CADM2: variants seen among roughly 807,000 people sequenced by gnomAD.
CADM2 encodes the protein immunoglobulin superfamily member 4D.
A neutral mutation model predicts 49.8 loss-of-function variants in CADM2; 12 were observed. The ratio of observed to expected loss-of-function variants is 0.24; its 90% CI spans 0.15 to 0.39. The LOEUF is 0.39. Among genes scored for constraint, CADM2 ranks in the 10% least tolerant of loss-of-function variants. The pLI is 1.00. For missense variants in CADM2, 378 were observed against 492.3 expected, an observed-to-expected ratio of 0.77 and a Z score of 2.20; for synonymous variants, 214 against 175.4, an observed-to-expected ratio of 1.22 and a Z score of -1.74.
intron 1 of CADM2, among the ~76,000 whole-genome samples, chr3:85,555,658 T>G (rs1308334424): frequency 6.6e-6 from 1 of 152,066 alleles, no homozygotes; most frequent in Non-Finnish European, 1.5e-5. Context: ...AATAGTAAAT[T>G]ATATGAGACA....
intron 8 of CADM2, among the ~76,000 whole-genome samples, chr3:86,007,287 T>C (rs1009064603): frequency 6.6e-6 from 1 of 151,942 alleles, no homozygotes; most frequent in African/African-American, 2.4e-5. Context: ...AAAATACATA[T>C]AGTAAAAATG....
chr3:85,371,556 C>G (rs935477903), intron 1 of CADM2, among the ~76,000 whole-genome samples: 1 of 150,398 alleles, frequency 6.6e-6, no homozygotes, highest in Non-Finnish European at 1.5e-5. Context: ...AGAACAAGAA[C>G]AAAGGTGCTT....
chr3:85,225,767 T>G (rs993557810), intron 1 of CADM2, among the ~76,000 whole-genome samples: 4 of 152,246 alleles, frequency 2.6e-5, no homozygotes, highest in African/African-American at 9.6e-5. Context: ...TATTTTGAGA[T>G]ATGTTCCATC....
chr3:85,799,318 G>A (rs748761823), intron 2 of CADM2, among the ~76,000 whole-genome samples: 3 of 152,176 alleles, frequency 2.0e-5, no homozygotes, highest in Non-Finnish European at 4.4e-5. Context: ...TTGAATAGGA[G>A]TGGTGAGAGA....
chr3:85,442,354 G>A (rs2037242146), intron 1 of CADM2, among the ~76,000 whole-genome samples: 1 of 151,530 alleles, frequency 6.6e-6, no homozygotes, highest in South Asian at 2.1e-4. Context: ...GTATACTTCT[G>A]TATCACTTGA....
At chr3:85,507,781 T>C (rs919025041) in intron 1 of CADM2, among the ~76,000 whole-genome samples, 1 of 152,234 alleles carries the variant, frequency 6.6e-6, no homozygotes, top group African/African-American at 2.4e-5. Context: ...GCTCTCAAAA[T>C]GTATCAAAGA....
At chr3:85,875,898 G>A (rs1049261702) in intron 3 of CADM2, among the ~76,000 whole-genome samples, 2 of 152,120 alleles carry the variant, frequency 1.3e-5, no homozygotes, top group Non-Finnish European at 2.9e-5. Flanking sequence ...AAGGCCTTAT[G>A]GGTAGAGTTC....
At chr3:85,530,159 T>C (rs2061265785) in intron 1 of CADM2, among the ~76,000 whole-genome samples, 1 of 152,004 alleles carries the variant, frequency 6.6e-6, no homozygotes, top group Admixed American at 6.5e-5. Context: ...GATGGTTTTA[T>C]AAAAGTGTCT....
At chr3:85,966,163 A>G (rs1218312985) in intron 8 of CADM2, among the ~76,000 whole-genome samples, 1 of 151,732 alleles carries the variant, frequency 6.6e-6, no homozygotes, top group Non-Finnish European at 1.5e-5. Flanking sequence ...GGATCTGGGA[A>G]GAAATACAGT....
intron 3 of CADM2, among the ~76,000 whole-genome samples, chr3:85,827,845 C>T (rs1298713889): frequency 3.9e-5 from 6 of 151,950 alleles, no homozygotes; most frequent in Non-Finnish European, 5.9e-5. Context: ...TTCTGTTCCA[C>T]GATGTCATTC....
intron 1 of CADM2, among the ~76,000 whole-genome samples, chr3:85,267,041 A>C (rs1202206575): frequency 6.6e-6 from 1 of 151,924 alleles, no homozygotes; most frequent in Non-Finnish European, 1.5e-5. Context: ...TATTTAGAGA[A>C]AGGTATAATG....
intron 1 of CADM2, among the ~76,000 whole-genome samples, chr3:85,170,199 A>G (rs565091008): frequency 3.3e-4 from 51 of 152,246 alleles, no homozygotes; most frequent in African/African-American, 1.1e-3. Flanking sequence ...CAGATTTTTT[A>G]TTTACCTAGA....
intron 1 of CADM2, among the ~76,000 whole-genome samples, chr3:85,080,131 C>G (rs182103186): frequency 6.6e-5 from 10 of 152,074 alleles, no homozygotes; most frequent in Admixed American, 5.9e-4. Context: ...GATATGAACT[C>G]AGGTATATCA....
At chr3:85,035,175 T>A (rs563350636) in intron 1 of CADM2, among the ~76,000 whole-genome samples, 298 of 152,292 alleles carry the variant, frequency 2.0e-3, no homozygotes, top group Non-Finnish European at 3.9e-3. Flanking sequence ...ATGATAGTGA[T>A]TTTGAGCACC....
intron 1 of CADM2, among the ~76,000 whole-genome samples, chr3:85,724,632 C>A (rs1433925316): frequency 6.6e-6 from 1 of 150,678 alleles, no homozygotes; most frequent in Non-Finnish European, 1.5e-5. Context: ...AAGCAGACTG[C>A]AAATTAATGT....
chr3:85,762,300 A>C (rs530330480), intron 2 of CADM2, among the ~76,000 whole-genome samples: 1 of 151,924 alleles, frequency 6.6e-6, no homozygotes, highest in Admixed American at 6.6e-5. Context: ...CTCCAGTGTT[A>C]TTTCTTTTGG....
chr3:85,784,048 A>T (rs2070819085), intron 2 of CADM2, among the ~76,000 whole-genome samples: 1 of 152,172 alleles, frequency 6.6e-6, no homozygotes, highest in Admixed American at 6.6e-5. Context: ...ACACACACAC[A>T]TGCGTGCATG....
intron 1 of CADM2, among the ~76,000 whole-genome samples, chr3:85,130,423 T>C (rs2039187663): frequency 6.6e-6 from 1 of 152,190 alleles, no homozygotes; most frequent in Admixed American, 6.5e-5. Context: ...TGTGCAAATA[T>C]AGAACCAGTG....
intron 8 of CADM2, among the ~76,000 whole-genome samples, chr3:86,027,195 A>T (rs1298222150): frequency 6.6e-6 from 1 of 152,014 alleles, no homozygotes; most frequent in Non-Finnish European, 1.5e-5. Context: ...ATCCCCCAAA[A>T]TTTCATATTT....
Sources: allele counts gnomAD v4.1 joint callset (sites outside exome capture counted in the v4.1 genomes callset), GRCh38; gene constraint gnomAD v4.1.1; transcripts MANE v1.5; gene names NCBI Gene and HGNC (gene_info 2026-07-23, HGNC 2026-07-21).